DRC3: variants seen among roughly 807,000 people sequenced by gnomAD.
DRC3 encodes the protein leucine rich repeat containing 48.
In DRC3, 45 loss-of-function variants were observed where a neutral mutation model predicts 57.6. The observed-to-expected ratio is 0.78, with a 90% confidence interval of 0.62 to 1.00. DRC3 has a LOEUF of 1.00. DRC3 is among the 50% of genes least tolerant of loss of function. DRC3 has a pLI of 0.00. For synonymous variants in DRC3, 257 were observed against 272.3 expected (o/e 0.94, Z 0.55); for missense variants, 655 against 675.2 (o/e 0.97, Z 0.33).
At position 17,977,775 on chromosome 17, in the gene DRC3, C is replaced by T; in HGVS notation, c.160+17C>T. The stretch of plus-strand genomic sequence containing the variant: ...ACTTTCGGAGTATGTATCCAAGGTT[C>T]AGGGGTGGTGGCCAGGGTGGGCCCT... On this transcript the variant is annotated intron_variant, in intron 3 of 13. Coordinates refer to ENST00000399187, the MANE Select transcript of DRC3 (RefSeq NM_031294.4). 6.4e-7 allele frequency: 1 copy of T among 1,565,116 alleles called. No individual in the cohort carries two copies.
chr17:17,997,391 C>A, intron 8 of DRC3, 69 bp from the exon 9 acceptor site: 1 of 1,488,044 alleles, frequency 6.7e-7, no homozygotes, highest in Non-Finnish European at 9.2e-7. Flanking sequence ...CCAGGGTTAC[C>A]AACACCTTGG....
intron 12 of DRC3, chr17:18,010,946 T>TTTTTTG: frequency 4.1e-6 from 1 of 242,986 alleles, no homozygotes; most frequent in Non-Finnish European, 8.2e-6. Flanking sequence ...GAGGTTTTTT[T>TTTTTTG]TTTGTTTGTT....
intron 10 of DRC3, 123 bp from the exon 11 acceptor site, chr17:18,006,060 T>C: frequency 1.4e-6 from 1 of 706,550 alleles, no homozygotes; most frequent in Non-Finnish European, 2.6e-6. Flanking sequence ...AGGGTCAAGA[T>C]GGGTGGTCTT....
At chr17:17,975,663 C>T (rs1449256046) in intron 2 of DRC3, among the ~76,000 whole-genome samples, 4 of 152,062 alleles carry the variant, frequency 2.6e-5, no homozygotes, top group East Asian at 1.9e-4. Flanking sequence ...AGAGAGAGGC[C>T]GAGGTCTGGA....
chr17:17,988,626 TGTC>T (rs2043077016), intron 5 of DRC3: 1 of 153,394 alleles, frequency 6.5e-6, no homozygotes, highest in Non-Finnish European at 1.5e-5. Context: ...CTGCCACAGC[TGTC>T]GTCCTGTGTC....
intron 12 of DRC3, chr17:18,015,602 T>TCG: frequency 1.3e-5 from 2 of 156,496 alleles, no homozygotes; most frequent in Admixed American, 6.2e-5. Context: ...GAGAGACAAC[T>TCG]GTGGGGTGAA....
At chr17:17,994,264 C>A in intron 6 of DRC3, 35 bp from the exon 7 acceptor site, 1 of 1,545,762 alleles carries the variant, frequency 6.5e-7, no homozygotes, top group Non-Finnish European at 8.7e-7. Flanking sequence ...TCGGAGGAAC[C>A]TCTGGTAACA....
At chr17:17,999,836 G>C (rs979508041) in intron 9 of DRC3, among the ~76,000 whole-genome samples, 2 of 152,236 alleles carry the variant, frequency 1.3e-5, no homozygotes, top group African/African-American at 4.8e-5. Context: ...CTGCACTCTC[G>C]AATGAGTAGT....
At position 17,997,178 on chromosome 17, in the gene DRC3, C is replaced by T. The variant is rs189744934; in HGVS notation, c.825-282C>T. 2.0e-5 allele frequency among the ~76,000 whole-genome samples: 3 copies of T among 152,314 alleles called. No homozygotes were observed. The East Asian group carries it at 5.8e-4, about 29-fold the overall frequency. ...TGTCTGCCTTCTGCTCTGTAGACTC[C>T]GCAATGGTTTCTGCCTCCTTCCTTC... On this transcript the variant is annotated intron_variant, in intron 8 of 13. Coordinates refer to ENST00000399187, the MANE Select transcript of DRC3 (RefSeq NM_031294.4).
intron 8 of DRC3, among the ~76,000 whole-genome samples, chr17:17,997,196 C>T (rs1182412144): frequency 1.3e-5 from 2 of 152,202 alleles, no homozygotes; most frequent in Non-Finnish European, 2.9e-5. Context: ...TTTCTGCCTC[C>T]TTCCTTCACA....
chr17:18,003,484 TAAAA>T (rs71155309), intron 9 of DRC3, among the ~76,000 whole-genome samples: 664 of 30,120 alleles, frequency 0.022, 13 homozygotes, highest in African/African-American at 0.074. Context: ...ACTACGTCTT[TAAAA>T]AAAAAAAAAA....
At chr17:17,990,990 TA>T (rs978832703) in intron 5 of DRC3, among the ~76,000 whole-genome samples, 2 of 151,634 alleles carry the variant, frequency 1.3e-5, no homozygotes, top group African/African-American at 4.9e-5. Flanking sequence ...AAACTCCATC[TA>T]AAAAAAATAA....
At chr17:17,984,032 C>T (rs552255837) in intron 4 of DRC3, 88 bp downstream of exon 4, 316 of 789,070 alleles carry the variant, frequency 4.0e-4, no homozygotes, top group Non-Finnish European at 5.6e-4. Context: ...TAATTGTGTG[C>T]GACACTCAGC....
In DRC3 at chr17:18,016,668, C is replaced by A; in HGVS notation, c.1569C>A (p.Asp523Glu). 6.2e-7 allele frequency: 1 copy of A among 1,602,740 alleles called. No individual in the cohort carries two copies. The highest frequency in any genetic ancestry group is 8.5e-7 in the Non-Finnish European group (1 of 1,169,894). ...LDNLECGDIL[D>E] ...ACCTGGAATGTGGCGACATCCTAGA[C>A]TAGATGAATGTCAGCCACAGGAGCT... The change falls in exon 14 of 14, where the codon GAC (aspartate) becomes GAA (glutamate). Residue 523 changes from aspartate to glutamate, a missense_variant. Physicochemically the swap from Asp to Glu is conservative, Grantham distance 45. Coordinates refer to ENST00000399187, the MANE Select transcript of DRC3 (RefSeq NM_031294.4).
At chr17:17,977,484 C>A in intron 2 of DRC3, 98 bp from the exon 3 acceptor site, 1 of 1,393,556 alleles carries the variant, frequency 7.2e-7, no homozygotes, top group South Asian at 1.2e-5. Context: ...CTCAGAGTGC[C>A]AGTGGCCACA....
At chr17:18,004,758 T>C (rs1568528720) in intron 10 of DRC3, 1 of 441,290 alleles carries the variant, frequency 2.3e-6, no homozygotes, top group East Asian at 4.3e-5. Context: ...TGGGGAGAGG[T>C]TTTTGATTAG....
At chr17:18,004,590 A>G in intron 10 of DRC3, 96 bp downstream of exon 10, 1 of 1,405,188 alleles carries the variant, frequency 7.1e-7, no homozygotes, top group South Asian at 1.3e-5. Flanking sequence ...CTCTGCTGGA[A>G]ACGTCCAGCA....
intron 3 of DRC3, among the ~76,000 whole-genome samples, chr17:17,980,925 G>A (rs1351811242): frequency 6.6e-6 from 1 of 151,834 alleles, no homozygotes; most frequent in Non-Finnish European, 1.5e-5. Context: ...TATTTTTTTG[G>A]CATGAATCTC....
intron 5 of DRC3, 100 bp from the exon 6 acceptor site, chr17:17,992,665 G>C: frequency 2.3e-6 from 3 of 1,325,532 alleles, no homozygotes; most frequent in Non-Finnish European, 3.1e-6. Flanking sequence ...TGGTGCTGTG[G>C]CCAGGCTGAC....
Sources: gnomAD v4.1 joint callset for allele counts (sites outside exome capture counted in the v4.1 genomes callset) on GRCh38, gnomAD v4.1.1 for gene constraint, MANE v1.5 for transcripts, NCBI Gene and HGNC (gene_info 2026-07-23, HGNC 2026-07-21) for gene names.